Variants in NEB observed in about 807,000 individuals in gnomAD.
NEB encodes the protein nemaline myopathy type 2.
NEB carries 512 observed loss-of-function variants against 952.2 expected under a neutral mutation model. That is an observed-to-expected ratio of 0.54 (90% CI 0.50 to 0.58). NEB has a LOEUF of 0.58. NEB is among the 20% of genes least tolerant of loss of function. The pLI is 0.00. For missense variants in NEB, 8,428 were observed against 9,231.1 expected (o/e 0.91, Z 3.56); for synonymous variants, 2,900 against 3,149.8 (o/e 0.92, Z 2.66).
intron 131 of NEB, 50 bp from the exon 132 acceptor site, chr2:151,547,788 G>A (rs1334958374): frequency 2.4e-6 from 3 of 1,247,490 alleles, no homozygotes; most frequent in Non-Finnish European, 2.3e-6. Context: ...GACGACGAGG[G>A]CATCTACTGA....
At position 151,534,313 on chromosome 2, in the gene NEB, A is replaced by G. The variant is rs1200802961; in HGVS notation, c.21313-767T>C. The G allele has an allele frequency of 1.9e-6, 3 of 1,612,834 alleles. No homozygotes were observed. The highest frequency in any genetic ancestry group is 3.3e-5 in the Admixed American group (2 of 59,996). On this transcript the variant is annotated intron_variant, in intron 142 of 181. Transcript: ENST00000397345. ...TTCCGCTGCTCATAATCAGCTCTGT[A>G]TTTTTTCTGCTCAAACATCATAGCA...
intron 169 of NEB, among the ~76,000 whole-genome samples, chr2:151,498,671 T>TAGAAAC (rs931616684): frequency 3.9e-5 from 6 of 152,124 alleles, no homozygotes; most frequent in African/African-American, 1.4e-4. Flanking sequence ...GGGAAAAAAG[T>TAGAAAC]AGAAACAGAC....
At position 151,633,739 on chromosome 2, in the gene NEB, T is replaced by G; in HGVS notation, c.9329A>C (p.Tyr3110Ser). ...KCQTLVSDVD[Y>S]KNYLHEWTCL... ...TGTCCACTCGTGCAGGTAGTTCTTA[T>G]AGTCCACGTCACTGACTAAGGTCTG... The change falls in exon 65 of 182, where the codon TAT (tyrosine) becomes TCT (serine). Residue 3110 changes from tyrosine to serine, a missense_variant. Tyr to Ser is a moderately radical substitution (Grantham distance 144, BLOSUM62 -2). Transcript: ENST00000397345. 4 of 1,614,004 alleles carry G rather than the reference T, an allele frequency of 2.5e-6. No individual in the cohort carries two copies. The South Asian group carries it at 4.4e-5, about 18-fold the overall frequency.
In NEB at chr2:151,563,854, C is replaced by T; in HGVS notation, c.18548G>A (p.Gly6183Glu). ...GTTCACCAGATCAGCATGCTTGGCT[C>T]CAACAATGGGAATGTAGCGCTCATC... ...TLDERYIPIV[G>E]AKHADLVNSE... is the part of the protein sequence containing the mutation. The change falls in exon 118 of 182, where the codon GGA (glycine) becomes GAA (glutamate). Residue 6183 changes from glycine to glutamate, a missense_variant. Coordinates refer to ENST00000397345, the MANE Select transcript of NEB (RefSeq NM_001164508.2). The T allele has an allele frequency of 1.2e-6, 2 of 1,613,306 alleles. No homozygotes were observed. Among genetic ancestry groups the T allele is most frequent in the Non-Finnish European group, 1.7e-6 (2 of 1,179,598 alleles).
At chr2:151,609,164 G>C (rs2097828674) in intron 81 of NEB, among the ~76,000 whole-genome samples, 2 of 151,450 alleles carry the variant, frequency 1.3e-5, no homozygotes, top group South Asian at 2.1e-4. Context: ...TTGCACTCCA[G>C]CCTGGGCAAC....
rs141642565 is a variant in NEB, at chr2:151,719,633, C to G, written c.718-2113G>C. Among the ~76,000 whole-genome samples, 77 of 152,236 alleles carry G rather than the reference C, an allele frequency of 5.1e-4. 1 individual carries two copies. The highest frequency in any genetic ancestry group is 1.8e-3 in the African/African-American group (75 of 41,542). On this transcript the variant is annotated intron_variant, in intron 9 of 181. Transcript: ENST00000397345. Reference sequence around the variant, plus strand: ...GGCACAGTGACTCACGCCTGTAATCCCAGCACTTTGGGAGGCAAAGGCGGA... The same window carrying G: ...GGCACAGTGACTCACGCCTGTAATCGCAGCACTTTGGGAGGCAAAGGCGGA...
Position 151,568,157 on chromosome 2 carries a change from C to T in NEB, c.17758G>A (p.Glu5920Lys), listed in dbSNP as rs1180886295. ...LDQYLYKEGWERQKATGYILP... is the reference protein window; with the variant it reads ...LDQYLYKEGWKRQKATGYILP... ...ATGTAACCTGTGGCTTTTTGTCTCT[C>T]CCAGCCTTCCTTGTAGAGATACTGA... is the stretch of plus-strand genomic sequence containing the variant. The change falls in exon 113 of 182, where the codon GAG (glutamate) becomes AAG (lysine). Residue 5920 changes from glutamate to lysine, a missense_variant. Glu to Lys is a moderately conservative substitution (Grantham distance 56). This residue lies in a region of NEB where 3,374 missense variants were observed against 3,651.5 expected (regional missense o/e 0.92). Transcript: ENST00000397345. 2 of 1,613,302 alleles carry T rather than the reference C, an allele frequency of 1.2e-6. No individual in the cohort carries two copies. Among genetic ancestry groups the T allele is most frequent in the Admixed American group, 1.7e-5 (1 of 59,938 alleles).
chr2:151,545,632 C>T (rs1328707029), intron 135 of NEB, among the ~76,000 whole-genome samples: 1 of 151,882 alleles, frequency 6.6e-6, no homozygotes, highest in Non-Finnish European at 1.5e-5. Flanking sequence ...CAAAACCCCT[C>T]ATCAGCCCTA....
rs749915004 is a variant in NEB at position 151,617,472 on chromosome 2, CAAAAA to C, written c.11077-9_11077-5del. 2.0e-4 allele frequency: 159 copies of C among 812,746 alleles called. No homozygotes were observed. Among genetic ancestry groups the C allele is most frequent in the South Asian group, 4.8e-4 (19 of 39,202 alleles). The allele number at this position is 812,746 out of a possible 1,614,324, so 50.3% of individuals were successfully genotyped here. ...CCCAGGCTTCAGTATATAAGCGCTA[CAAAAA>C]AAAAAAAAAAAGAGAGAGAGAGAGA... On this transcript the variant is annotated splice_region_variant and splice_polypyrimidine_tract_variant and intron_variant, in intron 74 of 181. Transcript: ENST00000397345.
chr2:151,710,521 G>C lies in NEB; in HGVS notation c.840C>G (p.Asp280Glu), dbSNP rs953526249. The change falls in exon 11 of 182, where the codon GAC (aspartate) becomes GAG (glutamate). Residue 280 changes from aspartate (D) to glutamate (E), a missense_variant. Transcript: ENST00000397345. ...ATTTGCCTTTGATTTTATTTTCATAGTCTTCTTTGTATTTTTGCTAGAAAA... is the reference window on the plus strand; with the variant it reads ...ATTTGCCTTTGATTTTATTTTCATACTCTTCTTTGTATTTTTGCTAGAAAA... ...NQVSKQKYKE[D>E]YENKIKGKWS... The C allele has an allele frequency of 1.8e-5, 29 of 1,603,502 alleles. No individual in the cohort carries two copies. Among genetic ancestry groups the C allele is most frequent in the Non-Finnish European group, 2.4e-5 (28 of 1,173,842 alleles).
Position 151,650,886 on chromosome 2 carries a change from C to T in NEB, c.6916-1G>A, listed in dbSNP as rs2099021702. 1.9e-6 allele frequency: 3 copies of T among 1,602,180 alleles called. No homozygotes were observed. The highest frequency in any genetic ancestry group is 1.7e-6 in the Non-Finnish European group (2 of 1,173,172). ...TTCGGTAGCCTTGTTTGTATTTATA[C>T]TGAAATCAGAGAAAACACAGCTCTT... On this transcript the variant is annotated splice_acceptor_variant, in intron 52 of 181. Transcript: ENST00000397345. LOFTEE classifies it high-confidence loss of function.
At position 151,609,659 on chromosome 2, in the gene NEB, T is replaced by G. The variant is rs943304672; in HGVS notation, c.12330+150A>C. The G allele has an allele frequency of 1.1e-5, 6 of 557,164 alleles. No homozygotes were observed. In the Admixed American group the frequency reaches 1.7e-4, roughly 16 times the overall value. 34.5% of individuals were successfully genotyped at this position (557,164 alleles called of 1,614,324 possible). A position where few individuals can be genotyped will look rare whatever the true frequency, so the allele number is the denominator to read the frequency against. ...CCAGAAGTTACTACTAAAGATGGAT[T>G]TTATATTAAACAATGTGAATGGTAC... On this transcript the variant is annotated intron_variant, in intron 81 of 181. Coordinates refer to ENST00000397345, the MANE Select transcript of NEB (RefSeq NM_001164508.2).
At position 151,562,653 on chromosome 2, in the gene NEB, G is replaced by A. The variant is rs780477786; in HGVS notation, c.18849C>T (p.Pro6283=). ...GGGCGTTTCGGACGCGTATAACATTGGGTTCTTCCAGAAGAGACGTCCACT... is the reference window on the plus strand; with the variant it reads ...GGGCGTTTCGGACGCGTATAACATTAGGTTCTTCCAGAAGAGACGTCCACT... ...FHQWTSLLEE[P]NVIRVRNAQE... Residue 6283 remains proline, a synonymous_variant, in exon 120 of 182, where the codon CCC becomes CCT. Coordinates refer to ENST00000397345, the MANE Select transcript of NEB (RefSeq NM_001164508.2). The A allele has an allele frequency of 5.0e-6, 8 of 1,594,844 alleles. No individual in the cohort carries two copies.
chr2:151,607,546 C>A lies in NEB; in HGVS notation c.12597G>T (p.Pro4199=). Residue 4199 remains proline, a synonymous_variant, in exon 83 of 182, where the codon CCG becomes CCT. Coordinates refer to ENST00000397345, the MANE Select transcript of NEB (RefSeq NM_001164508.2). ...KSNITIPSDT[P]EMLQAHINAL... is the part of the protein sequence containing the mutation. ...CATTGATGTGGGCCTGCAGCATCTC[C>A]GGAGTATCAGAAGGAATGGTGATGT... 2.9e-6 allele frequency: 2 copies of A among 701,630 alleles called. 1 individual carries two copies. The allele number at this position is 701,630 out of a possible 1,614,324, so 43.5% of individuals were successfully genotyped here.
chr2:151,518,247 A>G (rs1334460424), intron 156 of NEB, 71 bp downstream of exon 156: 6 of 1,091,984 alleles, frequency 5.5e-6, no homozygotes, highest in South Asian at 2.5e-5. Context: ...GAGGGAATCT[A>G]TGAAATTTTT....
chr2:151,522,894 C>T lies in NEB; in HGVS notation c.22479+1417G>A, dbSNP rs375389456. 2.2e-4 allele frequency among the ~76,000 whole-genome samples: 33 copies of T among 152,244 alleles called. No individual in the cohort carries two copies. The East Asian group carries it at 5.4e-3, about 25-fold the overall frequency. On this transcript the variant is annotated intron_variant, in intron 153 of 181. Coordinates refer to ENST00000397345, the MANE Select transcript of NEB (RefSeq NM_001164508.2). Reference sequence around the variant, plus strand: ...AGGGAAAGCCCACACACAGCTGAAGCGCCCTTGGGCCCAGGGCCACACCAT... The same window carrying T: ...AGGGAAAGCCCACACACAGCTGAAGTGCCCTTGGGCCCAGGGCCACACCAT...
intron 84 of NEB, 31 bp downstream of exon 84, chr2:151,606,575 A>T (rs2097710766): frequency 1.5e-6 from 1 of 656,596 alleles, no homozygotes; most frequent in Admixed American, 4.3e-5. Context: ...TGTAGAAAAG[A>T]AAAACCACAA....
Position 151,540,442 on chromosome 2 carries a change from A to G in NEB, c.20794T>C (p.Tyr6932His). The change falls in exon 138 of 182, where the codon TAC becomes CAC. Residue 6932 changes from tyrosine to histidine, a missense_variant. By Grantham distance (83) the Tyr-to-His change is moderately conservative. This residue lies in a region of NEB where 3,374 missense variants were observed against 3,651.5 expected (regional missense o/e 0.92). Coordinates refer to ENST00000397345, the MANE Select transcript of NEB (RefSeq NM_001164508.2). Reference protein sequence around the residue: ...DVKDMVSEKKYKIQYEKMKDK... With the variant: ...DVKDMVSEKKHKIQYEKMKDK... Reference sequence around the variant, plus strand: ...TTCATCTTTTCATATTGAATCTTGTACTTTTTCTGAGAAATAAATGCAGAA... The same window carrying G: ...TTCATCTTTTCATATTGAATCTTGTGCTTTTTCTGAGAAATAAATGCAGAA... 2 of 1,556,272 alleles carry G rather than the reference A, an allele frequency of 1.3e-6. No individual in the cohort carries two copies. Among genetic ancestry groups the G allele is most frequent in the Non-Finnish European group, 1.7e-6 (2 of 1,147,268 alleles).
chr2:151,627,437 AG>A, intron 69 of NEB, 85 bp downstream of exon 69: 3 of 1,533,990 alleles, frequency 2.0e-6, no homozygotes, highest in Non-Finnish European at 2.7e-6. Flanking sequence ...TCCCTTCTGA[AG>A]GTTCTACCTA....
Sources: allele counts gnomAD v4.1 joint callset (sites outside exome capture counted in the v4.1 genomes callset), GRCh38; gene constraint gnomAD v4.1.1; regional missense constraint gnomAD v4.1.1; transcripts MANE v1.5; gene names NCBI Gene and HGNC (gene_info 2026-07-23, HGNC 2026-07-21).